Variants in WDR70 observed in about 807,000 individuals in gnomAD.
WDR70 encodes WD repeat domain 70.
Under a neutral mutation model 88.6 loss-of-function variants are expected in WDR70, and 53 were observed. The ratio of observed to expected loss-of-function variants is 0.60; its 90% confidence interval spans 0.48 to 0.75. The LOEUF is 0.75. WDR70 is among the 30% of genes least tolerant of loss of function. The pLI is 0.00. For synonymous variants in WDR70, 280 were observed against 270.0 expected (o/e 1.04, Z -0.36); for missense variants, 610 against 823.2 (o/e 0.74, Z 3.17).
At chr5:37,677,681 TG>T (rs1418990502) in intron 10 of WDR70, among the ~76,000 whole-genome samples, 2 of 74,694 alleles carry the variant, frequency 2.7e-5, no homozygotes. Flanking sequence ...GGAATAGGTG[TG>T]GGGTGGTGCT....
At chr5:37,732,894 G>A (rs1353821701) in intron 17 of WDR70, among the ~76,000 whole-genome samples, 1 of 151,864 alleles carries the variant, frequency 6.6e-6, no homozygotes, top group Non-Finnish European at 1.5e-5. Context: ...GTTTTATTTA[G>A]GAAGGCATCT....
chr5:37,498,079 C>T (rs183209718), intron 8 of WDR70, among the ~76,000 whole-genome samples: 2 of 152,312 alleles, frequency 1.3e-5, no homozygotes, highest in Non-Finnish European at 2.9e-5. Context: ...GTCTCAGCCT[C>T]CCAAAGTCCT....
rs72740982 is a variant in WDR70, at chr5:37,646,019, T to A, written c.1092+40781T>A. ...CTCCTGCCATTTTTAATTAAAAAAATTTTTTTTGTGGTCTTCTCTTCCTTC... is the reference window on the plus strand; with the variant it reads ...CTCCTGCCATTTTTAATTAAAAAAAATTTTTTTGTGGTCTTCTCTTCCTTC... On this transcript the variant is annotated intron_variant, in intron 10 of 17. Coordinates refer to ENST00000265107, the MANE Select transcript of WDR70 (RefSeq NM_018034.4). Among the ~76,000 whole-genome samples, 1,101 of 151,430 alleles carry A rather than the reference T, an allele frequency of 7.3e-3. 8 individuals carry two copies. Among genetic ancestry groups the A allele is most frequent in the Non-Finnish European group, 0.012 (791 of 67,856 alleles).
intron 9 of WDR70, among the ~76,000 whole-genome samples, chr5:37,522,782 T>G (rs1471488122): frequency 6.6e-6 from 1 of 152,198 alleles, no homozygotes; most frequent in African/African-American, 2.4e-5. Context: ...ACTCCCACCC[T>G]AATACTGTGC....
intron 9 of WDR70, among the ~76,000 whole-genome samples, chr5:37,539,465 A>G (rs905344303): frequency 3.3e-5 from 5 of 152,310 alleles, no homozygotes; most frequent in Middle Eastern, 6.8e-3. Context: ...TCTATCAGCA[A>G]AACAAGGAAA....
rs535686051 is a variant in WDR70 at position 37,492,431 on chromosome 5, TCTC to T, written c.840+12447_840+12449del. ...GATGGCTCCTAAGAGTCCCTGCACT[TCTC>T]CTTGAATGTAGTTTTGAACTATAAG... On this transcript the variant is annotated intron_variant, in intron 8 of 17. Transcript: ENST00000265107. 3.9e-4 allele frequency among the ~76,000 whole-genome samples: 60 copies of T among 152,312 alleles called. No individual in the cohort carries two copies. The East Asian group carries it at 9.1e-3, about 23-fold the overall frequency.
intron 8 of WDR70, among the ~76,000 whole-genome samples, chr5:37,500,597 G>GT (rs1740376533): frequency 6.7e-6 from 1 of 149,976 alleles, no homozygotes; most frequent in Non-Finnish European, 1.5e-5. Flanking sequence ...AACATTTATT[G>GT]TTTTTTCACT....
At position 37,380,302 on chromosome 5, in the gene WDR70, G is replaced by A. The variant is rs539370564; in HGVS notation, c.91+748G>A. Among the ~76,000 whole-genome samples the A allele has an allele frequency of 4.6e-5, 7 of 151,970 alleles. No individual in the cohort carries two copies. The South Asian group carries it at 1.2e-3, about 27-fold the overall frequency. ...GTAGACTTACACATATTGGCCTTGG[G>A]TTGTGTTCACACATACTAGTTCTGT... is the stretch of plus-strand genomic sequence containing the variant. On this transcript the variant is annotated intron_variant, in intron 2 of 17. Coordinates refer to ENST00000265107, the MANE Select transcript of WDR70 (RefSeq NM_018034.4).
At chr5:37,432,649 G>C (rs1168288133) in intron 5 of WDR70, among the ~76,000 whole-genome samples, 1 of 151,952 alleles carries the variant, frequency 6.6e-6, no homozygotes, top group Non-Finnish European at 1.5e-5. Context: ...GCCCACCTCA[G>C]CCTCCCAAAG....
chr5:37,572,093 G>A (rs960368108), intron 9 of WDR70, among the ~76,000 whole-genome samples: 9 of 152,168 alleles, frequency 5.9e-5, no homozygotes, highest in Non-Finnish European at 1.3e-4. Flanking sequence ...GAGGAATTAT[G>A]TTCTGTTACT....
At position 37,725,500 on chromosome 5, in the gene WDR70, T is replaced by C. The variant is rs145295917; in HGVS notation, c.1714+450T>C. Among the ~76,000 whole-genome samples, 13 of 152,152 alleles carry C rather than the reference T, an allele frequency of 8.5e-5. No homozygotes were observed. In the East Asian group the frequency reaches 2.5e-3, roughly 29 times the overall value. ...TGTGTTGATATCACTAGAAGATGAA[T>C]AAAAGTCTTTAGAGTTTTTGAGAAG... On this transcript the variant is annotated intron_variant, in intron 16 of 17. Coordinates refer to ENST00000265107, the MANE Select transcript of WDR70 (RefSeq NM_018034.4).
intron 7 of WDR70, among the ~76,000 whole-genome samples, chr5:37,475,619 T>C (rs968170990): frequency 6.6e-6 from 1 of 152,206 alleles, no homozygotes; most frequent in African/African-American, 2.4e-5. Flanking sequence ...TTGTGAAATA[T>C]GTTTTTACAT....
chr5:37,626,410 GT>G (rs1333775464), intron 10 of WDR70, among the ~76,000 whole-genome samples: 3 of 152,136 alleles, frequency 2.0e-5, no homozygotes, highest in African/African-American at 7.2e-5. Flanking sequence ...TGTGTGTGAT[GT>G]TTATTGATTT....
intron 10 of WDR70, among the ~76,000 whole-genome samples, chr5:37,668,879 G>A (rs1203807073): frequency 1.3e-5 from 2 of 152,204 alleles, no homozygotes; most frequent in East Asian, 1.9e-4. Flanking sequence ...CTAAGTCATA[G>A]CTGTTTTCTG....
At chr5:37,628,064 A>G (rs1470852924) in intron 10 of WDR70, among the ~76,000 whole-genome samples, 1 of 152,316 alleles carries the variant, frequency 6.6e-6, no homozygotes, top group South Asian at 2.1e-4. Context: ...AGCTAGGACT[A>G]TAGGCACATG....
At chr5:37,655,169 G>C (rs1024055014) in intron 10 of WDR70, among the ~76,000 whole-genome samples, 1 of 152,152 alleles carries the variant, frequency 6.6e-6, no homozygotes, top group Non-Finnish European at 1.5e-5. Flanking sequence ...GCTTTTGCTT[G>C]TCTGTAAAGG....
intron 7 of WDR70, among the ~76,000 whole-genome samples, chr5:37,452,682 T>C (rs1336225692): frequency 6.6e-6 from 1 of 152,232 alleles, no homozygotes; most frequent in Non-Finnish European, 1.5e-5. Flanking sequence ...GTATTATTCC[T>C]ATATTATCCA....
chr5:37,470,968 A>G (rs914823551), intron 7 of WDR70, among the ~76,000 whole-genome samples: 1 of 151,440 alleles, frequency 6.6e-6, no homozygotes, highest in African/African-American at 2.4e-5. Flanking sequence ...GCTCACTTCA[A>G]CCTCTGTCTC....
At chr5:37,577,197 C>A (rs923493336) in intron 9 of WDR70, among the ~76,000 whole-genome samples, 1 of 151,988 alleles carries the variant, frequency 6.6e-6, no homozygotes, top group Non-Finnish European at 1.5e-5. Context: ...TACAGGCAGT[C>A]CTTTGAAGCT....
Sources: allele counts gnomAD v4.1 joint callset (sites outside exome capture counted in the v4.1 genomes callset), GRCh38; gene constraint gnomAD v4.1.1; transcripts MANE v1.5; gene names NCBI Gene and HGNC (gene_info 2026-07-23, HGNC 2026-07-21).